Variants in RECQL4 observed in about 807,000 individuals in gnomAD.
RECQL4 encodes ATP-dependent DNA helicase Q4.
RECQL4 carries 158 observed loss-of-function variants against 128.6 expected under a neutral mutation model. That is an observed-to-expected ratio of 1.23 (90% confidence interval 1.08 to 1.40). The LOEUF (loss-of-function observed/expected upper bound fraction) is 1.40, where lower values mean the gene tolerates loss of function less well. RECQL4 is among the 40% of genes most tolerant of loss of function. RECQL4 has a pLI of 0.00. For synonymous variants in RECQL4, 996 were observed against 678.9 expected (o/e 1.47, Z -7.26); for missense variants, 2,293 against 1,649.8 (o/e 1.39, Z -6.75).
intron 9 of RECQL4, 21 bp from the exon 10 acceptor site, chr8:144,514,546 G>C (rs373225871): frequency 6.2e-7 from 1 of 1,603,984 alleles, no homozygotes. Flanking sequence ...AGGAGCGACA[G>C]CCGTCATACG....
rs568261148 is a variant in RECQL4 at position 144,514,380 on chromosome 8, A to G, written c.1705-18T>C. On this transcript the variant is annotated intron_variant, in intron 10 of 20. Coordinates refer to ENST00000617875, the MANE Select transcript of RECQL4 (RefSeq NM_004260.4). ...GCCCGAATCTGAAGGCAGCAAGATC[A>G]GAGGCACAGCCCAGGTGCCCGCCCG... The G allele has an allele frequency of 2.5e-6, 4 of 1,600,048 alleles. No individual in the cohort carries two copies. Among genetic ancestry groups the G allele is most frequent in the East Asian group, 4.5e-5 (2 of 44,620 alleles).
intron 11 of RECQL4, 25 bp from the exon 12 acceptor site, chr8:144,514,132 G>A (rs754640883): frequency 1.2e-6 from 2 of 1,610,140 alleles, no homozygotes; most frequent in South Asian, 1.1e-5. Flanking sequence ...GCAGTGGTGT[G>A]AGGCCGCCCA....
In RECQL4 at chr8:144,516,728, C is replaced by A; in HGVS notation, c.391G>T (p.Gly131Ter). The A allele has an allele frequency of 6.5e-7, 1 of 1,534,618 alleles. No homozygotes were observed. The change falls in exon 5 of 21, where the codon GGA becomes TGA. Residue 131 changes from glycine (G) to a stop codon, truncating the protein, a stop_gained. Coordinates refer to ENST00000617875, the MANE Select transcript of RECQL4 (RefSeq NM_004260.4). LOFTEE classifies it high-confidence loss of function. ...PALGRRPWPL[G>*]RASSKASTPK... ...GTGGATGCCTTAGATGAGGCTCTTCCTAGAGGCCACGGTCTGCGGCCCAGG... is the reference window on the plus strand; with the variant it reads ...GTGGATGCCTTAGATGAGGCTCTTCATAGAGGCCACGGTCTGCGGCCCAGG...
Position 144,514,497 on chromosome 8 carries a change from G to A in RECQL4, c.1649C>T (p.Ala550Val), listed in dbSNP as rs764297840. 118 of 1,612,006 alleles carry A rather than the reference G, an allele frequency of 7.3e-5. No homozygotes were observed. Among genetic ancestry groups the A allele is most frequent in the Non-Finnish European group, 9.7e-5 (115 of 1,179,568 alleles). Reference sequence around the variant, plus strand: ...GGTCATGCCCGAGTGTATGCAGGCCGCCTTGAGACACGGTGGCAGGCCAGA... The same window carrying A: ...GGTCATGCCCGAGTGTATGCAGGCCACCTTGAGACACGGTGGCAGGCCAGA... The part of the protein sequence containing the change: ...QVSGLPPCLK[A>V]ACIHSGMTRK... The change falls in exon 10 of 21, where the codon GCG becomes GTG. Residue 550 changes from alanine (A) to valine (V), a missense_variant. Coordinates refer to ENST00000617875, the MANE Select transcript of RECQL4 (RefSeq NM_004260.4).
chr8:144,514,416 C>T, intron 10 of RECQL4, 26 bp downstream of exon 10: 1 of 1,604,496 alleles, frequency 6.2e-7, no homozygotes, highest in Non-Finnish European at 8.5e-7. Flanking sequence ...CTGCCTCCCT[C>T]ACCCCTAGGC....
chr8:144,512,115 G>A (rs2130657126), intron 18 of RECQL4, 29 bp downstream of exon 18: 3 of 1,601,708 alleles, frequency 1.9e-6, no homozygotes, highest in East Asian at 2.2e-5. Flanking sequence ...AGGGTGGATG[G>A]TCCCAGGCCC....
At position 144,516,220 on chromosome 8, in the gene RECQL4, C is replaced by G. The variant is rs369842607; in HGVS notation, c.899G>C (p.Gly300Ala). 3.7e-6 allele frequency: 6 copies of G among 1,613,202 alleles called. No individual in the cohort carries two copies. Among genetic ancestry groups the G allele is most frequent in the Non-Finnish European group, 5.1e-6 (6 of 1,179,846 alleles). Residue 300 changes from glycine (G) to alanine (A), a missense_variant, in exon 5 of 21, where the codon GGG (glycine) becomes GCG (alanine). Gly to Ala is a moderately conservative substitution (Grantham distance 60). Coordinates refer to ENST00000617875, the MANE Select transcript of RECQL4 (RefSeq NM_004260.4). ...AGGTGGCTGTGCCTGTACAGGTTCC[C>G]CTGGAGGGTCTTCCTCAACTGCTAC... ...GAVAVEEDPP[G>A]EPVQAQPPQP...
chr8:144,515,534 C>A (rs1430951222), intron 6 of RECQL4, 77 bp from the exon 7 acceptor site: 1 of 1,600,188 alleles, frequency 6.2e-7, no homozygotes, highest in Non-Finnish European at 8.5e-7. Context: ...TCTCCTTCCC[C>A]CAAAGGGGGT....
Position 144,515,867 on chromosome 8 carries a change from C to T in RECQL4, c.1155G>A (p.Lys385=), listed in dbSNP as rs1263658929. ...CACCACCCCCAAAACACTCCCCTTT[C>T]TTCCGCCACTTCTGCTTCCATGCCT... ...RKQAWKQKWR[K]KGECFGGGGA... is the part of the protein sequence containing the mutation. The change falls in exon 6 of 21, where the codon AAG becomes AAA. Residue 385 remains lysine, a synonymous_variant. Coordinates refer to ENST00000617875, the MANE Select transcript of RECQL4 (RefSeq NM_004260.4). 16 of 1,612,846 alleles carry T rather than the reference C, an allele frequency of 9.9e-6. No homozygotes were observed. The highest frequency in any genetic ancestry group is 1.6e-4 in the Middle Eastern group (1 of 6,084).
chr8:144,514,865 G>A (rs930860630), intron 9 of RECQL4, 71 bp downstream of exon 9: 161 of 1,557,090 alleles, frequency 1.0e-4, no homozygotes, highest in Non-Finnish European at 1.3e-4. Flanking sequence ...GGGACAAGCA[G>A]CAGTTGCCCT....
intron 18 of RECQL4, 27 bp downstream of exon 18, chr8:144,512,116 TC>T: frequency 6.2e-7 from 1 of 1,601,686 alleles, no homozygotes. Flanking sequence ...GGGTGGATGG[TC>T]CCAGGCCCCG....
At chr8:144,515,677 T>G (rs1828055018) in intron 6 of RECQL4, 87 bp downstream of exon 6, 4 of 1,536,808 alleles carry the variant, frequency 2.6e-6, no homozygotes, top group Non-Finnish European at 3.5e-6. Flanking sequence ...GGAAGGCCTG[T>G]TGCTTGGAAC....
chr8:144,512,153 GC>G lies in RECQL4; in HGVS notation c.3226del (p.Ala1076ProfsTer5). 6.2e-7 allele frequency: 1 copy of G among 1,608,812 alleles called. No individual in the cohort carries two copies. ...CCCGCCTCCTCCCAACCTGTGAAAG[GC>G]CTGGAAGGTTCTGCGCAGACGGGCC... Reference protein sequence around the residue: ...ALARLRRTFQAFHSVAFPSCG... With the variant: ...ALARLRRTFQXFHSVAFPSCG... On this transcript the variant is annotated frameshift_variant, in exon 18 of 21. Coordinates refer to ENST00000617875, the MANE Select transcript of RECQL4 (RefSeq NM_004260.4). LOFTEE classifies it high-confidence loss of function.
At position 144,513,455 on chromosome 8, in the gene RECQL4, C is replaced by A. The variant is rs200002105; in HGVS notation, c.2226G>T (p.Glu742Asp). ...SGGRAPKTTA[E>D]AYHAGMCSRE... ...GGCTGCACATGCCCGCGTGGTAGGC[C>A]TCGGCTGTGGTTTTGGGGGCACGAC... Residue 742 changes from glutamate (E) to aspartate (D), a missense_variant, in exon 14 of 21, where the codon GAG (glutamate) becomes GAT (aspartate). Glu to Asp is a conservative substitution (Grantham distance 45). Transcript: ENST00000617875. 1.1e-4 allele frequency: 179 copies of A among 1,609,720 alleles called. No individual in the cohort carries two copies. Among genetic ancestry groups the A allele is most frequent in the Non-Finnish European group, 1.5e-4 (172 of 1,179,814 alleles).
chr8:144,511,822 G>C, intron 19 of RECQL4, 33 bp from the exon 20 acceptor site: 1 of 1,611,392 alleles, frequency 6.2e-7, no homozygotes, highest in Non-Finnish European at 8.5e-7. Flanking sequence ...CTTCCTCTGA[G>C]CTCCCGTGGC....
At position 144,512,990 on chromosome 8, in the gene RECQL4, TCCCCACCCACGG is replaced by T; in HGVS notation, c.2600_2611del (p.Ala867_Gly870del). 6.4e-7 allele frequency: 1 copy of T among 1,570,588 alleles called. No homozygotes were observed. The highest frequency in any genetic ancestry group is 8.6e-7 in the Non-Finnish European group (1 of 1,158,552). On this transcript the variant is annotated inframe_deletion, in exon 15 of 21. Coordinates refer to ENST00000617875, the MANE Select transcript of RECQL4 (RefSeq NM_004260.4). ...AGGGGGGTACTTGGGCACAGGCCTC[TCCCCACCCACGG>T]CCCCTTCCTGCTCCGAGGGCGGCCT...
intron 6 of RECQL4, 26 bp from the exon 7 acceptor site, chr8:144,515,483 T>G: frequency 1.2e-6 from 2 of 1,612,354 alleles, no homozygotes; most frequent in African/African-American, 1.3e-5. Context: ...GAGGGTAGAA[T>G]GGGAGCTCCA....
chr8:144,513,694 G>C lies in RECQL4; in HGVS notation c.2077C>G (p.Gln693Glu), dbSNP rs1371868658. 6.4e-7 allele frequency: 1 copy of C among 1,550,438 alleles called. No homozygotes were observed. The highest frequency in any genetic ancestry group is 8.7e-7 in the Non-Finnish European group (1 of 1,147,224). Residue 693 changes from glutamine (Q) to glutamate (E), a missense_variant, in exon 13 of 21, where the codon CAA (glutamine) becomes GAA (glutamate). By Grantham distance (29) the Gln-to-Glu change is conservative. Transcript: ENST00000617875. The stretch of plus-strand genomic sequence containing the variant: ...TCGAGGTTTTGAAAACGTTTGCCTT[G>C]CAGCAGCGTCAACAGTGCCTGATGA... ...DTDQALLTLLQGKRFQNLDSI... is the reference protein window; with the variant it reads ...DTDQALLTLLEGKRFQNLDSI...
rs1394162855 is a variant in RECQL4 at position 144,516,133 on chromosome 8, C to CTAG, written c.983_985dup (p.Ala328_Arg329insThr). The stretch of plus-strand genomic sequence containing the variant: ...GGCTGTGCCCTCAGCCTTCCCAGCC[C>CTAG]TAGCTTGACTGGAGGGGCTGAGTCC... On this transcript the variant is annotated inframe_insertion, in exon 5 of 21. Transcript: ENST00000617875. 11 of 1,613,176 alleles carry CTAG rather than the reference C, an allele frequency of 6.8e-6. No homozygotes were observed. The highest frequency in any genetic ancestry group is 9.3e-6 in the Non-Finnish European group (11 of 1,179,874).
Sources: gnomAD v4.1 joint callset for allele counts on GRCh38, gnomAD v4.1.1 for gene constraint, MANE v1.5 for transcripts, NCBI Gene and HGNC (gene_info 2026-07-23, HGNC 2026-07-21) for gene names.